AFDN: variants seen among roughly 807,000 people sequenced by gnomAD.
The protein encoded by AFDN is afadin.
Under a neutral mutation model 216.6 loss-of-function variants are expected in AFDN, and 68 were observed. That is an observed-to-expected ratio of 0.31 (90% confidence interval 0.26 to 0.38). The LOEUF (loss-of-function observed/expected upper bound fraction) is 0.38, where lower values mean the gene tolerates loss of function less well. Among genes scored for constraint, AFDN ranks in the 10% least tolerant of loss-of-function variants. The probability of loss-of-function intolerance (pLI) is 1.00; values close to 1 mark genes in which losing one functional copy is unlikely to be tolerated. For synonymous variants in AFDN, 868 were observed against 853.7 expected (o/e 1.02, Z -0.29); for missense variants, 2,136 against 2,342.0 (o/e 0.91, Z 1.82).
At chr6:167,832,667 T>C (rs1583074141) in intron 1 of AFDN, among the ~76,000 whole-genome samples, 2 of 152,262 alleles carry the variant, frequency 1.3e-5, no homozygotes, top group African/African-American at 4.8e-5. Context: ...TGAAGTTTTA[T>C]ACTTACAAAT....
chr6:167,960,634 T>C (rs949239109), intron 30 of AFDN, among the ~76,000 whole-genome samples: 7 of 152,376 alleles, frequency 4.6e-5, no homozygotes, highest in Admixed American at 1.3e-4. Flanking sequence ...TGCTTTATTT[T>C]GCTATTTTTG....
At position 167,827,244 on chromosome 6, in the gene AFDN, A is replaced by G. The variant is rs1215388973; in HGVS notation, c.105+7A>G. ...GATCAGCCAGCCGACCGAGGTGAGC[A>G]CCGCCGGGCGCGGGGCCTGCGCGAC... On this transcript the variant is annotated splice_region_variant and intron_variant, in intron 1 of 33. Transcript: ENST00000683244. 3 of 1,140,494 alleles carry G rather than the reference A, an allele frequency of 2.6e-6. No homozygotes were observed. Among genetic ancestry groups the G allele is most frequent in the Admixed American group, 3.3e-5 (1 of 30,394 alleles). 70.6% of individuals were successfully genotyped at this position (1,140,494 alleles called of 1,614,324 possible).
At chr6:167,935,387 C>T (rs973702123) in intron 23 of AFDN, among the ~76,000 whole-genome samples, 2 of 152,194 alleles carry the variant, frequency 1.3e-5, no homozygotes, top group African/African-American at 4.8e-5. Flanking sequence ...AAAGGCTGGA[C>T]ATAGCAGTGT....
Position 167,943,303 on chromosome 6 carries a change from G to A in AFDN, c.3166-99G>A, listed in dbSNP as rs41266289. Reference sequence around the variant, plus strand: ...TTATGTAGCACTATAGTGCTTGTTGGAAGAACAAATAGAGTATCTACTCAT... The same window carrying A: ...TTATGTAGCACTATAGTGCTTGTTGAAAGAACAAATAGAGTATCTACTCAT... On this transcript the variant is annotated intron_variant, in intron 24 of 33. Coordinates refer to ENST00000683244, the MANE Select transcript of AFDN (RefSeq NM_001386888.1). 7,363 of 1,435,596 alleles carry A rather than the reference G, an allele frequency of 5.1e-3. 30 individuals carry two copies. Among genetic ancestry groups the A allele is most frequent in the Non-Finnish European group, 5.7e-3 (5,790 of 1,019,614 alleles). 88.9% of individuals were successfully genotyped at this position (1,435,596 alleles called of 1,614,324 possible).
At chr6:167,965,144 A>ATT in intron 31 of AFDN, 1 of 809,118 alleles carries the variant, frequency 1.2e-6, no homozygotes, top group Non-Finnish European at 1.5e-6. Context: ...TGGGAGAATG[A>ATT]GTGTTTTTTT....
At chr6:167,861,499 C>CT (rs1783568410) in intron 1 of AFDN, among the ~76,000 whole-genome samples, 1 of 152,076 alleles carries the variant, frequency 6.6e-6, no homozygotes, top group Non-Finnish European at 1.5e-5. Context: ...TCTTTGATCT[C>CT]TTAACATTTT....
intron 1 of AFDN, chr6:167,828,002 G>GT (rs1779382120): frequency 6.6e-6 from 1 of 152,262 alleles, no homozygotes; most frequent in African/African-American, 2.4e-5. Context: ...AAATGTTTGA[G>GT]TCCAAGTCCA....
intron 23 of AFDN, among the ~76,000 whole-genome samples, chr6:167,927,046 T>G (rs1226917620): frequency 1.3e-5 from 2 of 152,204 alleles, no homozygotes; most frequent in Admixed American, 6.5e-5. Context: ...TCTCACTGAA[T>G]TAGCTATGAG....
intron 23 of AFDN, among the ~76,000 whole-genome samples, chr6:167,927,769 CCTGCT>C (rs1228063328): frequency 6.6e-6 from 1 of 152,164 alleles, no homozygotes; most frequent in Non-Finnish European, 1.5e-5. Context: ...TGGTAAGGGT[CCTGCT>C]CACAGGCCAT....
chr6:167,841,962 T>G (rs1312615970), intron 1 of AFDN, among the ~76,000 whole-genome samples: 2 of 152,034 alleles, frequency 1.3e-5, no homozygotes, highest in Non-Finnish European at 2.9e-5. Flanking sequence ...TGGGCTTTTC[T>G]CTTCTGTTAA....
chr6:167,911,707 GAAGTT>G (rs1457698257), intron 15 of AFDN: 1 of 541,522 alleles, frequency 1.8e-6, no homozygotes, highest in African/African-American at 1.9e-5. Context: ...CAGCATAAGT[GAAGTT>G]AACTTGTAGT....
At chr6:167,911,516 C>A in intron 15 of AFDN, 27 bp downstream of exon 15, 2 of 1,604,366 alleles carry the variant, frequency 1.2e-6, no homozygotes, top group South Asian at 2.2e-5. Flanking sequence ...CAGCCATGCT[C>A]CTCCAGTGAT....
At chr6:167,925,402 A>T (rs764430457) in intron 23 of AFDN, among the ~76,000 whole-genome samples, 1 of 152,186 alleles carries the variant, frequency 6.6e-6, no homozygotes, top group Non-Finnish European at 1.5e-5. Context: ...GAGGAGAGAA[A>T]GCATTGCTAC....
At chr6:167,924,837 C>T in intron 22 of AFDN, 168 bp from the exon 23 acceptor site, 1 of 676,528 alleles carries the variant, frequency 1.5e-6, no homozygotes, top group Non-Finnish European at 2.7e-6. Flanking sequence ...CAGATTAATA[C>T]CTGAAGAGTA....
chr6:167,963,570 C>T lies in AFDN; in HGVS notation c.4968+1003C>T, dbSNP rs1028557541. 2.9e-5 allele frequency: 31 copies of T among 1,057,730 alleles called. No homozygotes were observed. In the African/African-American group the frequency reaches 4.8e-4, roughly 16 times the overall value. The allele number at this position is 1,057,730 out of a possible 1,614,324, so 65.5% of individuals were successfully genotyped here. A position where few individuals can be genotyped will look rare whatever the true frequency, so the allele number is the denominator to read the frequency against. ...ACAATCTAAGAGTAAGCTTGATAGACATGATGTGACTTCACTTAAATGGAG... is the reference window on the plus strand; with the variant it reads ...ACAATCTAAGAGTAAGCTTGATAGATATGATGTGACTTCACTTAAATGGAG... On this transcript the variant is annotated intron_variant, in intron 31 of 33. Transcript: ENST00000683244.
intron 6 of AFDN, among the ~76,000 whole-genome samples, chr6:167,887,987 T>C (rs992488898): frequency 4.6e-5 from 7 of 152,142 alleles, no homozygotes; most frequent in Admixed American, 4.6e-4. Context: ...GTACTTAAGC[T>C]GAAGGATGAG....
At chr6:167,937,949 A>G (rs1270818769) in intron 23 of AFDN, among the ~76,000 whole-genome samples, 4 of 152,252 alleles carry the variant, frequency 2.6e-5, no homozygotes, top group African/African-American at 7.2e-5. Flanking sequence ...CTATAAGTCA[A>G]CCTAATTGAG....
At chr6:167,840,252 T>C (rs1225288713) in intron 1 of AFDN, among the ~76,000 whole-genome samples, 1 of 152,242 alleles carries the variant, frequency 6.6e-6, no homozygotes, top group African/African-American at 2.4e-5. Flanking sequence ...TTCAATTTGG[T>C]TGAATCTGTG....
chr6:167,969,767 T>TG lies in AFDN; in HGVS notation c.5343-14dup, dbSNP rs1797894198. The TG allele has an allele frequency of 6.3e-7, 1 of 1,594,692 alleles. No individual in the cohort carries two copies. Among genetic ancestry groups the TG allele is most frequent in the Non-Finnish European group, 8.5e-7 (1 of 1,174,076 alleles). The stretch of plus-strand genomic sequence containing the variant: ...TAGTTTGTCCAGTAATCTTTGATAT[T>TG]GCCCTCTTCTGCAGCCAAGATGCAG... On this transcript the variant is annotated splice_polypyrimidine_tract_variant and intron_variant, in intron 33 of 33. Transcript: ENST00000683244.
Sources: allele counts gnomAD v4.1 joint callset (sites outside exome capture counted in the v4.1 genomes callset), GRCh38; gene constraint gnomAD v4.1.1; transcripts MANE v1.5; gene names NCBI Gene and HGNC (gene_info 2026-07-23, HGNC 2026-07-21).